The following BOD1L1 variants were observed in gnomAD, a reference collection of about 807,000 sequenced individuals.
BOD1L1 encodes biorientation of chromosomes in cell division 1 like 1.
Under a neutral mutation model 240.7 loss-of-function variants are expected in BOD1L1, and 86 were observed. That is an observed-to-expected ratio of 0.36 (90% confidence interval 0.30 to 0.43). The LOEUF is 0.43. BOD1L1 is among the 20% of genes least tolerant of loss of function. The pLI, the probability that BOD1L1 is intolerant of heterozygous loss-of-function variation, is 1.00. For synonymous variants in BOD1L1, 1,268 were observed against 1,272.3 expected (o/e 1.00, Z 0.07); for missense variants, 3,554 against 3,643.5 (o/e 0.98, Z 0.63).
chr4:13,589,827 ACTGT>A (rs1714046434), intron 14 of BOD1L1, among the ~76,000 whole-genome samples: 1 of 152,240 alleles, frequency 6.6e-6, no homozygotes, highest in Non-Finnish European at 1.5e-5. Flanking sequence ...TATAAAAATA[ACTGT>A]CTAAGTAAAT....
chr4:13,625,434 T>C (rs1218789095), intron 1 of BOD1L1: 1 of 152,232 alleles, frequency 6.6e-6, no homozygotes, highest in Non-Finnish European at 1.5e-5. Flanking sequence ...CAAAAAAGGT[T>C]TTAATCCTTT....
intron 6 of BOD1L1, 131 bp downstream of exon 6, chr4:13,610,803 A>T: frequency 1.6e-6 from 1 of 643,740 alleles, no homozygotes; most frequent in Non-Finnish European, 2.5e-6. Context: ...CTACCTAGTT[A>T]AATGACAAGT....
chr4:13,618,817 A>G (rs1716813427), intron 2 of BOD1L1, among the ~76,000 whole-genome samples: 1 of 151,954 alleles, frequency 6.6e-6, no homozygotes, highest in South Asian at 2.1e-4. Context: ...TTCCTATGGG[A>G]CAAAAGGAAA....
chr4:13,610,832 G>GT (rs1716099144), intron 6 of BOD1L1, 102 bp downstream of exon 6: 1 of 977,304 alleles, frequency 1.0e-6, no homozygotes, highest in Admixed American at 3.1e-5. Context: ...GGCAAATCCT[G>GT]TATGTCTCTG....
At chr4:13,596,590 A>AC (rs1436988419) in intron 11 of BOD1L1, among the ~76,000 whole-genome samples, 2 of 151,732 alleles carry the variant, frequency 1.3e-5, no homozygotes, top group African/African-American at 4.8e-5. Context: ...ATGCTTAAAA[A>AC]AAAAAAAGCA....
At chr4:13,575,378 T>C (rs1216507137) in intron 25 of BOD1L1, among the ~76,000 whole-genome samples, 1 of 152,020 alleles carries the variant, frequency 6.6e-6, no homozygotes, top group Non-Finnish European at 1.5e-5. Context: ...TAATTAAAAA[T>C]TAAAAAAATA....
At chr4:13,576,444 C>T (rs992892113) in intron 25 of BOD1L1, among the ~76,000 whole-genome samples, 6 of 152,198 alleles carry the variant, frequency 3.9e-5, no homozygotes, top group South Asian at 4.1e-4. Flanking sequence ...GATGACGGTG[C>T]GTGGGCCTGG....
intron 22 of BOD1L1, among the ~76,000 whole-genome samples, chr4:13,579,052 C>A (rs10005546): frequency 0.035 from 5,272 of 152,242 alleles, 295 homozygotes; most frequent in African/African-American, 0.12. Context: ...CTCAAAGGTA[C>A]TTCTTTTTAG....
chr4:13,575,499 G>T (rs1314133430), intron 25 of BOD1L1, among the ~76,000 whole-genome samples: 3 of 152,050 alleles, frequency 2.0e-5, no homozygotes, highest in Non-Finnish European at 4.4e-5. Context: ...TCCCATCTCA[G>T]CCTCCCAAGT....
At position 13,587,701 on chromosome 4, in the gene BOD1L1, G is replaced by C. The variant is rs572131384; in HGVS notation, c.8351C>G (p.Pro2784Arg). The C allele has an allele frequency of 6.5e-7, 1 of 1,544,272 alleles. No homozygotes were observed. Among genetic ancestry groups the C allele is most frequent in the Non-Finnish European group, 8.8e-7 (1 of 1,137,480 alleles). The change falls in exon 16 of 26, where the codon CCA becomes CGA. Residue 2784 changes from proline to arginine, a missense_variant and splice_region_variant. Transcript: ENST00000040738. The part of the protein sequence containing the change: ...KQHYLSSEDE[P>R]DDNPDVLDSR... ...AACAGAAACATAAATATAAATACCT[G>C]GTTCATCTTCTGAAGAGAGATAATG...
At position 13,599,604 on chromosome 4, in the gene BOD1L1, CTCT is replaced by C. The variant is rs1560196512; in HGVS notation, c.7293_7295del (p.Glu2432del). ...TTTCGGGGCACTCCTTGCCATGCTT[CTCT>C]TCTTTTTCCGCACAAACAGCACTTG... On this transcript the variant is annotated inframe_deletion, in exon 10 of 26. Transcript: ENST00000040738. 6.2e-7 allele frequency: 1 copy of C among 1,614,040 alleles called. No individual in the cohort carries two copies.
At position 13,622,504 on chromosome 4, in the gene BOD1L1, TG is replaced by T. The variant is rs140478302; in HGVS notation, c.244-2438del. 1.0e-3 allele frequency among the ~76,000 whole-genome samples: 159 copies of T among 152,328 alleles called. 4 individuals carry two copies. The East Asian group carries it at 0.029, about 27-fold the overall frequency. On this transcript the variant is annotated intron_variant, in intron 1 of 25. Transcript: ENST00000040738. Reference sequence around the variant, plus strand: ...ACCCTTTCTTCCTTTTCCAGTGCTTTGGTGAAAAGCCTTAGAGTTATCCTTG... The same window carrying T: ...ACCCTTTCTTCCTTTTCCAGTGCTTTGTGAAAAGCCTTAGAGTTATCCTTG...
In BOD1L1 at chr4:13,603,553, T is replaced by A. The variant is rs762114981; in HGVS notation, c.3347A>T (p.Glu1116Val). ...KKSGDMTLIP[E>V]QEPMEIDSEP... ...AGAATCAATTTCCATTGGCTCTTGT[T>A]CAGGGATCAATGTCATATCACCACT... Residue 1116 changes from glutamate to valine, a missense_variant, in exon 10 of 26, where the codon GAA becomes GTA. Transcript: ENST00000040738. 26 of 1,613,942 alleles carry A rather than the reference T, an allele frequency of 1.6e-5. No individual in the cohort carries two copies. Among genetic ancestry groups the A allele is most frequent in the Non-Finnish European group, 2.1e-5 (25 of 1,179,906 alleles).
In BOD1L1 at chr4:13,599,557, C is replaced by T. The variant is rs1034972331; in HGVS notation, c.7343G>A (p.Gly2448Glu). ...CPEIGPFAGR[G>E]QKESTLHLIN... is the part of the protein sequence containing the mutation. ...GAGGTGTAAAGTGCTCTCTTTCTGT[C>T]CTCTTCCTGCAAATGGTCCTATTTC... Residue 2448 changes from glycine to glutamate, a missense_variant, in exon 10 of 26, where the codon GGA becomes GAA. Physicochemically the swap from Gly to Glu is moderately conservative, Grantham distance 98. Transcript: ENST00000040738. 3 of 1,613,888 alleles carry T rather than the reference C, an allele frequency of 1.9e-6. No individual in the cohort carries two copies. The African/African-American group carries it at 4.0e-5, about 22-fold the overall frequency.
At chr4:13,582,412 A>G in intron 18 of BOD1L1, 102 bp from the exon 19 acceptor site, 1 of 864,898 alleles carries the variant, frequency 1.2e-6, no homozygotes. Flanking sequence ...ATAACCACAC[A>G]CTCCATTTTC....
In BOD1L1 at chr4:13,595,867, A is replaced by G. The variant is rs1462696980; in HGVS notation, c.8097T>C (p.Ser2699=). Residue 2699 remains serine, a synonymous_variant, in exon 12 of 26, where the codon AGT becomes AGC. Coordinates refer to ENST00000040738, the MANE Select transcript of BOD1L1 (RefSeq NM_148894.3). ...PPESLCGGKP[S]GIAELQREPL... ...CCATTCTAAAGAGCTCACCTATTCC[A>G]CTTGGCTTTCCCCCACACAGACTTT... 1 of 1,613,328 alleles carries G rather than the reference A, an allele frequency of 6.2e-7. No homozygotes were observed. The highest frequency in any genetic ancestry group is 2.2e-5 in the East Asian group (1 of 44,842).
At position 13,625,659 on chromosome 4, in the gene BOD1L1, C is replaced by A. The variant is rs75714402; in HGVS notation, c.243+1686G>T. ...CCACTTGTTGAATACGAATAACTAA[C>A]TTTATTTGATAACATTTACCTGGCC... On this transcript the variant is annotated intron_variant, in intron 1 of 25. Coordinates refer to ENST00000040738, the MANE Select transcript of BOD1L1 (RefSeq NM_148894.3). The A allele has an allele frequency of 1.3e-4, 20 of 152,282 alleles. 1 individual carries two copies. In the East Asian group the frequency reaches 2.5e-3, roughly 19 times the overall value. The allele number at this position is 152,282 out of a possible 1,614,324, so 9.4% of individuals were successfully genotyped here.
In BOD1L1 at chr4:13,599,523, T is replaced by C. The variant is rs1419627730; in HGVS notation, c.7377A>G (p.Ala2459=). ...AGTTCAACAATACATTCTTCTCTTC[T>C]GCATTTATGAGGTGTAAAGTGCTCT... is the stretch of plus-strand genomic sequence containing the variant. ...QKESTLHLIN[A]EEKNVLLNSL... The change falls in exon 10 of 26, where the codon GCA becomes GCG. Residue 2459 remains alanine, a synonymous_variant. Transcript: ENST00000040738. 1.2e-6 allele frequency: 2 copies of C among 1,614,084 alleles called. No individual in the cohort carries two copies. The highest frequency in any genetic ancestry group is 1.7e-5 in the Admixed American group (1 of 60,032).
In BOD1L1 at chr4:13,604,275, C is replaced by A. The variant is rs766647809; in HGVS notation, c.2625G>T (p.Lys875Asn). The A allele has an allele frequency of 3.1e-6, 5 of 1,608,770 alleles. No individual in the cohort carries two copies. The East Asian group carries it at 1.1e-4, about 36-fold the overall frequency. The change falls in exon 10 of 26, where the codon AAG (lysine) becomes AAT (asparagine). Residue 875 changes from lysine to asparagine, a missense_variant. By Grantham distance (94) the Lys-to-Asn change is moderately conservative. Transcript: ENST00000040738. ...CCATGTTAGTGGAGTCCATATCACA[C>A]TTATCTTCCGAATAACTTTCACTTC... ...QRRSESYSED[K>N]CDMDSTNMDS... is the part of the protein sequence containing the mutation.
Sources: gnomAD v4.1 joint callset for allele counts (sites outside exome capture counted in the v4.1 genomes callset) on GRCh38, gnomAD v4.1.1 for gene constraint, MANE v1.5 for transcripts, NCBI Gene and HGNC (gene_info 2026-07-23, HGNC 2026-07-21) for gene names.